IL12RB2: variants seen among roughly 807,000 people sequenced by gnomAD.
IL12RB2 encodes the protein interleukin 12 receptor subunit beta 2, also known as interleukin-12 receptor subunit beta-2.
A neutral mutation model predicts 89.4 loss-of-function variants in IL12RB2; 82 were observed. The ratio of observed to expected loss-of-function variants is 0.92; its 90% confidence interval spans 0.77 to 1.10. The LOEUF is 1.10. IL12RB2 is among the 50% of genes least tolerant of loss of function. IL12RB2 has a pLI of 0.00. For missense variants in IL12RB2, 963 were observed against 1,031.9 expected (o/e 0.93, Z 0.92); for synonymous variants, 368 against 370.1 (o/e 0.99, Z 0.07).
intron 14 of IL12RB2, among the ~76,000 whole-genome samples, chr1:67,381,081 C>G (rs1446023302): frequency 1.3e-5 from 2 of 152,136 alleles, no homozygotes; most frequent in Non-Finnish European, 2.9e-5. Flanking sequence ...CCCCATCCTA[C>G]CAGACACTCA....
intron 7 of IL12RB2, among the ~76,000 whole-genome samples, 180 bp downstream of exon 7, chr1:67,329,909 A>G (rs1378976923): frequency 6.6e-6 from 1 of 152,126 alleles, no homozygotes; most frequent in South Asian, 2.1e-4. Flanking sequence ...TTGAATTTTG[A>G]TCTCTGATTC....
intron 8 of IL12RB2, 61 bp downstream of exon 8, chr1:67,330,871 T>C: frequency 2.2e-6 from 2 of 898,380 alleles, no homozygotes; most frequent in Non-Finnish European, 3.8e-6. Flanking sequence ...GGGGGGAAGA[T>C]GTAATGATTT....
chr1:67,378,988 A>G (rs1188850160), intron 13 of IL12RB2, among the ~76,000 whole-genome samples: 2 of 152,178 alleles, frequency 1.3e-5, no homozygotes, highest in African/African-American at 4.8e-5. Flanking sequence ...ACTTGAGGCC[A>G]GGATTTCAAG....
At chr1:67,316,564 C>T (rs1655799673) in intron 2 of IL12RB2, among the ~76,000 whole-genome samples, 1 of 152,094 alleles carries the variant, frequency 6.6e-6, no homozygotes, top group Admixed American at 6.6e-5. Flanking sequence ...AATCTAGGCT[C>T]CCTTTTTTCG....
chr1:67,314,805 C>A (rs941562746), intron 2 of IL12RB2, among the ~76,000 whole-genome samples: 3 of 152,082 alleles, frequency 2.0e-5, no homozygotes, highest in Non-Finnish European at 2.9e-5. Flanking sequence ...TCCTACCGGT[C>A]GGTGTATTTC....
intron 1 of IL12RB2, among the ~76,000 whole-genome samples, chr1:67,310,184 CAAAAAAA>C (rs890229904): frequency 1.9e-4 from 7 of 36,758 alleles, no homozygotes; most frequent in Non-Finnish European, 2.6e-4. Flanking sequence ...AACTTCATCT[CAAAAAAA>C]AAAAAAAAAA....
At chr1:67,339,138 G>C (rs1470429366) in intron 9 of IL12RB2, among the ~76,000 whole-genome samples, 1 of 152,148 alleles carries the variant, frequency 6.6e-6, no homozygotes, top group African/African-American at 2.4e-5. Context: ...TCATTGAAGA[G>C]GGAGAAGGAG....
chr1:67,354,977 A>G (rs1661226725), intron 10 of IL12RB2, among the ~76,000 whole-genome samples: 1 of 152,208 alleles, frequency 6.6e-6, no homozygotes, highest in Non-Finnish European at 1.5e-5. Flanking sequence ...CTAGCCAGGC[A>G]TGGTGGCACA....
At chr1:67,322,724 TCA>T (rs1656735183) in intron 4 of IL12RB2, among the ~76,000 whole-genome samples, 1 of 152,126 alleles carries the variant, frequency 6.6e-6, no homozygotes, top group Non-Finnish European at 1.5e-5. Context: ...TGACGGGGGC[TCA>T]GTTTCCCACA....
intron 14 of IL12RB2, among the ~76,000 whole-genome samples, chr1:67,384,023 GTC>G (rs1336327303): frequency 1.3e-5 from 2 of 152,248 alleles, no homozygotes; most frequent in Non-Finnish European, 2.9e-5. Context: ...GGTGCAAGCT[GTC>G]AGTGGATCTA....
chr1:67,362,142 G>A (rs190713903), intron 10 of IL12RB2, among the ~76,000 whole-genome samples: 1 of 152,068 alleles, frequency 6.6e-6, no homozygotes, highest in Admixed American at 6.5e-5. Context: ...ATGGTGGCAT[G>A]TGCCTATAAT....
At chr1:67,368,882 T>C (rs531384778) in intron 11 of IL12RB2, among the ~76,000 whole-genome samples, 2 of 152,358 alleles carry the variant, frequency 1.3e-5, no homozygotes, top group Admixed American at 6.5e-5. Flanking sequence ...TTTTGAACAA[T>C]GCCTAATATA....
chr1:67,393,814 A>G (rs1666080101), intron 16 of IL12RB2, among the ~76,000 whole-genome samples: 1 of 152,188 alleles, frequency 6.6e-6, no homozygotes, highest in African/African-American at 2.4e-5. Context: ...GGTTTTTCCC[A>G]GGCTACAGTG....
At chr1:67,369,440 C>T (rs1180387921) in intron 11 of IL12RB2, among the ~76,000 whole-genome samples, 1 of 152,178 alleles carries the variant, frequency 6.6e-6, no homozygotes, top group Non-Finnish European at 1.5e-5. Flanking sequence ...AAAGAAGTTT[C>T]CTGCCTTTGA....
intron 14 of IL12RB2, among the ~76,000 whole-genome samples, chr1:67,381,217 T>C (rs1664532797): frequency 6.6e-6 from 1 of 152,152 alleles, no homozygotes; most frequent in African/African-American, 2.4e-5. Context: ...AACTCAGATT[T>C]GAGTTGCTTA....
At chr1:67,378,433 C>T (rs1247717149) in intron 13 of IL12RB2, among the ~76,000 whole-genome samples, 1 of 77,602 alleles carries the variant, frequency 1.3e-5, no homozygotes, top group Non-Finnish European at 2.9e-5. Context: ...AGGTTTACAG[C>T]TGCCAAATCT....
chr1:67,357,163 C>T (rs1387170118), intron 10 of IL12RB2, among the ~76,000 whole-genome samples: 1 of 152,056 alleles, frequency 6.6e-6, no homozygotes, highest in Non-Finnish European at 1.5e-5. Context: ...TTAAGACCAG[C>T]CTGGCCAACA....
At chr1:67,376,210 C>A (rs1467294405) in intron 13 of IL12RB2, among the ~76,000 whole-genome samples, 3 of 152,114 alleles carry the variant, frequency 2.0e-5, no homozygotes, top group Admixed American at 6.5e-5. Flanking sequence ...TGTTTGCCAA[C>A]AGTCTCTAAG....
intron 2 of IL12RB2, among the ~76,000 whole-genome samples, 191 bp from the exon 3 acceptor site, chr1:67,320,142 C>T (rs1042876038): frequency 1.3e-5 from 2 of 152,148 alleles, no homozygotes; most frequent in African/African-American, 2.4e-5. Flanking sequence ...AGAAGTCTCA[C>T]TGAGATGGGA....
Sources: gnomAD v4.1 joint callset for allele counts (sites outside exome capture counted in the v4.1 genomes callset) on GRCh38, gnomAD v4.1.1 for gene constraint, MANE v1.5 for transcripts, NCBI Gene and HGNC (gene_info 2026-07-23, HGNC 2026-07-21) for gene names.